The following COL12A1 variants were observed in gnomAD, a reference collection of about 807,000 sequenced individuals.
COL12A1 encodes collagen type XII alpha 1 chain.
In COL12A1, 114 loss-of-function variants were observed where a neutral mutation model predicts 349.7. The ratio of observed to expected loss-of-function variants is 0.33; its 90% CI spans 0.28 to 0.38. The LOEUF (loss-of-function observed/expected upper bound fraction) is 0.38, where lower values mean the gene tolerates loss of function less well. Among genes scored for constraint, COL12A1 ranks in the 10% least tolerant of loss-of-function variants. COL12A1 has a pLI of 1.00. For synonymous variants in COL12A1, 1,369 were observed against 1,329.0 expected (o/e 1.03, Z -0.66); for missense variants, 3,284 against 3,756.9 (o/e 0.87, Z 3.29).
chr6:75,117,512 G>A lies in COL12A1; in HGVS notation c.7389C>T (p.Val2463=), dbSNP rs545442226. The change falls in exon 47 of 66, where the codon GTC becomes GTT. Residue 2463 remains valine (V), a synonymous_variant. Coordinates refer to ENST00000322507, the MANE Select transcript of COL12A1 (RefSeq NM_004370.6). ...CAATGTTGGCAAGCTCATTGTAGTC[G>A]ACATCAGCCACACCAACTACAAAGA... ...FSVFVVGVAD[V]DYNELANIAS... 1.8e-5 allele frequency: 29 copies of A among 1,613,518 alleles called. No individual in the cohort carries two copies. Among genetic ancestry groups the A allele is most frequent in the South Asian group, 7.7e-5 (7 of 91,028 alleles).
chr6:75,155,966 G>T, intron 15 of COL12A1, 112 bp from the exon 16 acceptor site: 1 of 1,090,154 alleles, frequency 9.2e-7, no homozygotes, highest in Non-Finnish European at 1.3e-6. Flanking sequence ...AAGTCCGGTA[G>T]CACAAAATAG....
At chr6:75,155,542 A>C in intron 16 of COL12A1, 120 bp downstream of exon 16, 1 of 1,019,374 alleles carries the variant, frequency 9.8e-7, no homozygotes, top group Non-Finnish European at 1.4e-6. Context: ...GATTTTAAAT[A>C]CTTTGCTGGC....
At chr6:75,184,192 T>C (rs1407302466) in intron 8 of COL12A1, 48 bp from the exon 9 acceptor site, 13 of 1,567,538 alleles carry the variant, frequency 8.3e-6, no homozygotes, top group Non-Finnish European at 1.1e-5. Context: ...AGATGTAACC[T>C]TACTAATTTG....
At chr6:75,103,706 C>G (rs772733064) in intron 55 of COL12A1, 51 bp downstream of exon 55, 2 of 1,543,240 alleles carry the variant, frequency 1.3e-6, no homozygotes, top group South Asian at 2.3e-5. Flanking sequence ...TTTGAACAAC[C>G]AGATTTCAAC....
chr6:75,155,111 G>A (rs1306432302), intron 16 of COL12A1, among the ~76,000 whole-genome samples: 1 of 152,052 alleles, frequency 6.6e-6, no homozygotes, highest in Non-Finnish European at 1.5e-5. Context: ...TGAATGTAGG[G>A]TGCTGTTCAA....
intron 64 of COL12A1, among the ~76,000 whole-genome samples, chr6:75,088,894 G>A (rs1280067845): frequency 4.6e-5 from 7 of 151,896 alleles, no homozygotes; most frequent in Admixed American, 1.3e-4. Flanking sequence ...CCAGCTACTC[G>A]GGAGGCTGAG....
At chr6:75,143,703 T>C (rs1767031180) in intron 25 of COL12A1, among the ~76,000 whole-genome samples, 1 of 152,186 alleles carries the variant, frequency 6.6e-6, no homozygotes, top group Non-Finnish European at 1.5e-5. Context: ...TCATAATTCA[T>C]CATAAATGTA....
At position 75,103,776 on chromosome 6, in the gene COL12A1, C is replaced by G. The variant is rs1236915216; in HGVS notation, c.8300G>C (p.Arg2767Thr). ...ACTTACAATTGCCCCACTGATACCT[C>G]TTTCACCTCTGGGACCTTTAGCACC... ...GPGAKGPRGE[R>T]GISGAIGPPG... is the part of the protein sequence containing the mutation. Residue 2767 changes from arginine to threonine, a missense_variant, in exon 55 of 66, where the codon AGA becomes ACA. Coordinates refer to ENST00000322507, the MANE Select transcript of COL12A1 (RefSeq NM_004370.6). 6.2e-7 allele frequency: 1 copy of G among 1,613,370 alleles called. No individual in the cohort carries two copies. The highest frequency in any genetic ancestry group is 1.3e-5 in the African/African-American group (1 of 74,906).
chr6:75,173,115 A>T, intron 13 of COL12A1, among the ~76,000 whole-genome samples: 1 of 152,276 alleles, frequency 6.6e-6, no homozygotes. Context: ...ACAGTTTCCA[A>T]TGAATTTCAC....
rs561324802 is a variant in COL12A1 at position 75,149,656 on chromosome 6, G to T, written c.4148-1159C>A. On this transcript the variant is annotated intron_variant, in intron 21 of 65. Transcript: ENST00000322507. ...ATTAATCCAATAACTCCATAAGCAT[G>T]GCAAATCATTCTCGTATAAACTCTT... is the stretch of plus-strand genomic sequence containing the variant. Among the ~76,000 whole-genome samples, 4 of 152,106 alleles carry T rather than the reference G, an allele frequency of 2.6e-5. No homozygotes were observed. The South Asian group carries it at 8.3e-4, about 32-fold the overall frequency.
At chr6:75,190,316 G>A (rs1769864344) in intron 5 of COL12A1, among the ~76,000 whole-genome samples, 2 of 151,878 alleles carry the variant, frequency 1.3e-5, no homozygotes. Context: ...GACCTAATTT[G>A]TTAATATACT....
chr6:75,115,887 T>C lies in COL12A1; in HGVS notation c.7594A>G (p.Lys2532Glu). Residue 2532 changes from lysine (K) to glutamate (E), a missense_variant, in exon 49 of 66, where the codon AAG becomes GAG. Coordinates refer to ENST00000322507, the MANE Select transcript of COL12A1 (RefSeq NM_004370.6). Reference sequence around the variant, plus strand: ...ACTCCTTGTACAGAAGCAAAATTCTTTTCTGTCAGGTTGTATGCTTCAAGC... The same window carrying C: ...ACTCCTTGTACAGAAGCAAAATTCTCTTCTGTCAGGTTGTATGCTTCAAGC... ...KMLEAYNLTE[K>E]NFASVQGVSL... is the part of the protein sequence containing the mutation. 8 of 1,613,572 alleles carry C rather than the reference T, an allele frequency of 5.0e-6. No homozygotes were observed. Among genetic ancestry groups the C allele is most frequent in the Non-Finnish European group, 6.8e-6 (8 of 1,179,684 alleles).
intron 17 of COL12A1, 25 bp downstream of exon 17, chr6:75,154,391 C>T: frequency 1.2e-6 from 2 of 1,604,594 alleles, no homozygotes; most frequent in Non-Finnish European, 1.7e-6. Context: ...TTGTTTTCCT[C>T]AAGGAATGTA....
In COL12A1 at chr6:75,184,124, A is replaced by C. The variant is rs578252411; in HGVS notation, c.1018T>G (p.Leu340Val). 6.2e-7 allele frequency: 1 copy of C among 1,613,788 alleles called. No homozygotes were observed. The highest frequency in any genetic ancestry group is 8.5e-7 in the Non-Finnish European group (1 of 1,179,760). Residue 340 changes from leucine to valine, a missense_variant, in exon 9 of 66, where the codon TTG becomes GTG. Physicochemically the swap from Leu to Val is conservative, Grantham distance 32 (BLOSUM62 1). Transcript: ENST00000322507. ...TTTGAAGAGACTTCCATGGCAATCA[A>C]ATTTGAAGGAGGCTCAACAACTAAA... ...GEEVVEPPSNLIAMEVSSKYV... is the reference protein window; with the variant it reads ...GEEVVEPPSNVIAMEVSSKYV...
Position 75,152,199 on chromosome 6 carries a change from T to C in COL12A1, c.3767A>G (p.His1256Arg), listed in dbSNP as rs199692759. The change falls in exon 19 of 66, where the codon CAC becomes CGC. Residue 1256 changes from histidine to arginine, a missense_variant. Transcript: ENST00000322507. ...DPRTEWQLNA[H>R]RDKKSLLQAV... ...TTGCAACAAGCTCTTCTTGTCTCTG[T>C]GTGCATTTAACTGCCACTCTGTTCT... is the stretch of plus-strand genomic sequence containing the variant. 71 of 1,613,842 alleles carry C rather than the reference T, an allele frequency of 4.4e-5. No individual in the cohort carries two copies. Among genetic ancestry groups the C allele is most frequent in the African/African-American group, 2.4e-4 (18 of 75,034 alleles).
At position 75,124,319 on chromosome 6, in the gene COL12A1, G is replaced by C. The variant is rs1562164671; in HGVS notation, c.6660C>G (p.Phe2220Leu). The C allele has an allele frequency of 6.2e-7, 1 of 1,613,564 alleles. No individual in the cohort carries two copies. The highest frequency in any genetic ancestry group is 8.5e-7 in the Non-Finnish European group (1 of 1,179,734). ...CCCGGTGAGGTGACCATTTGACACA[G>C]AATGTATCCCACCCAATCTGGTAAG... ...LKTYQIGWDT[F>L]CVKWSPHRAA... The change falls in exon 41 of 66, where the codon TTC becomes TTG. Residue 2220 changes from phenylalanine to leucine, a missense_variant. Around this residue, in one of 2 missense-constraint regions of COL12A1, gnomAD observed 2,601 missense variants for 2,824.8 expected, o/e 0.92. Transcript: ENST00000322507.
At chr6:75,140,415 G>C (rs1766831906) in intron 27 of COL12A1, among the ~76,000 whole-genome samples, 1 of 152,146 alleles carries the variant, frequency 6.6e-6, no homozygotes, top group African/African-American at 2.4e-5. Flanking sequence ...CCAGCACTTT[G>C]GGAGACCGAG....
At chr6:75,118,947 T>C in intron 46 of COL12A1, 96 bp downstream of exon 46, 1 of 1,529,810 alleles carries the variant, frequency 6.5e-7, no homozygotes, top group East Asian at 2.3e-5. Flanking sequence ...ACAGAAACAA[T>C]AAAGTAACAT....
At chr6:75,127,469 C>T (rs189824257) in intron 38 of COL12A1, among the ~76,000 whole-genome samples, 108 of 152,288 alleles carry the variant, frequency 7.1e-4, no homozygotes, top group East Asian at 6.8e-3. Context: ...TGCAGAAAGA[C>T]ACCTGAAGTC....
Sources: gnomAD v4.1 joint callset for allele counts (sites outside exome capture counted in the v4.1 genomes callset) on GRCh38, gnomAD v4.1.1 for gene constraint, gnomAD v4.1.1 regional missense constraint, MANE v1.5 for transcripts, NCBI Gene and HGNC (gene_info 2026-07-23, HGNC 2026-07-21) for gene names.